GRIK4: variants seen among roughly 807,000 people sequenced by gnomAD.
GRIK4 encodes the protein glutamate ionotropic receptor kainate type subunit 4, also known as glutamate receptor ionotropic, kainate 4.
GRIK4 carries 40 observed loss-of-function variants against 104.9 expected under a neutral mutation model. That is an observed-to-expected ratio of 0.38 (90% CI 0.30 to 0.50). GRIK4 has a LOEUF of 0.50. GRIK4 is among the 20% of genes least tolerant of loss of function. GRIK4 has a pLI of 0.93. For synonymous variants in GRIK4, 485 were observed against 524.9 expected (o/e 0.92, Z 1.04); for missense variants, 1,047 against 1,308.1 (o/e 0.80, Z 3.08).
intron 2 of GRIK4, among the ~76,000 whole-genome samples, chr11:120,657,172 A>T (rs572907260): frequency 6.6e-6 from 1 of 152,240 alleles, no homozygotes; most frequent in South Asian, 2.1e-4. Context: ...GCCGTATAAT[A>T]TACCAGGCAC....
Position 120,612,536 on chromosome 11 carries a change from G to A in GRIK4, c.-158-41149G>A, listed in dbSNP as rs117677675. Among the ~76,000 whole-genome samples the A allele has an allele frequency of 4.4e-3, 673 of 152,156 alleles. 12 individuals are homozygous for A. In the East Asian group the frequency reaches 0.059, roughly 13 times the overall value. On this transcript the variant is annotated intron_variant, in intron 1 of 20. Transcript: ENST00000527524. ...AAAATCTTATTAGCCTTGTTAAGGG[G>A]TGCCAACATTTGAAAGAATTGACTA...
chr11:120,533,393 G>T, intron 1 of GRIK4, among the ~76,000 whole-genome samples: 1 of 152,204 alleles, frequency 6.6e-6, no homozygotes, highest in East Asian at 1.9e-4. Flanking sequence ...CCTGCATACA[G>T]GTACTGCTAG....
At chr11:120,824,546 T>TTTTTTTTTTC (rs1325119280) in intron 6 of GRIK4, among the ~76,000 whole-genome samples, 20 of 149,344 alleles carry the variant, frequency 1.3e-4, no homozygotes, top group Admixed American at 2.0e-4. Flanking sequence ...TCTTTTTTTT[T>TTTTTTTTTTC]TCTTTTCTTT....
chr11:120,576,749 C>G (rs1948490171), intron 1 of GRIK4, among the ~76,000 whole-genome samples: 1 of 152,082 alleles, frequency 6.6e-6, no homozygotes, highest in Non-Finnish European at 1.5e-5. Flanking sequence ...CACGGTCATG[C>G]TAGGAGTTCT....
At chr11:120,734,783 T>A (rs1216327152) in intron 3 of GRIK4, among the ~76,000 whole-genome samples, 1 of 152,172 alleles carries the variant, frequency 6.6e-6, no homozygotes, top group Non-Finnish European at 1.5e-5. Context: ...CACTAATTCC[T>A]CCTTCTGGTT....
intron 3 of GRIK4, among the ~76,000 whole-genome samples, chr11:120,674,017 C>T (rs549131712): frequency 9.2e-4 from 140 of 152,308 alleles, no homozygotes; most frequent in Non-Finnish European, 1.5e-3. Context: ...CCATACAGAA[C>T]AGGCCTGGTG....
intron 1 of GRIK4, among the ~76,000 whole-genome samples, chr11:120,554,704 G>A (rs1012439895): frequency 2.8e-4 from 43 of 152,004 alleles, no homozygotes; most frequent in African/African-American, 6.8e-4. Flanking sequence ...GATTACAGAC[G>A]CCCGCCACCA....
intron 1 of GRIK4, among the ~76,000 whole-genome samples, chr11:120,564,210 A>C (rs1948277556): frequency 6.6e-6 from 1 of 152,236 alleles, no homozygotes; most frequent in Non-Finnish European, 1.5e-5. Flanking sequence ...CGCCCCGCTC[A>C]GACGGCACCA....
At chr11:120,815,787 TG>T (rs1308787213) in intron 5 of GRIK4, among the ~76,000 whole-genome samples, 1 of 152,074 alleles carries the variant, frequency 6.6e-6, no homozygotes, top group Admixed American at 6.5e-5. Flanking sequence ...GAGAGGCTGA[TG>T]GGCATGGCAG....
chr11:120,684,746 T>C (rs1950248945), intron 3 of GRIK4, among the ~76,000 whole-genome samples: 1 of 152,080 alleles, frequency 6.6e-6, no homozygotes, highest in African/African-American at 2.4e-5. Context: ...AGTCTCGCTC[T>C]GTCGCCCAGG....
intron 8 of GRIK4, among the ~76,000 whole-genome samples, chr11:120,845,043 A>G (rs1484330273): frequency 6.6e-6 from 1 of 152,062 alleles, no homozygotes; most frequent in Non-Finnish European, 1.5e-5. Flanking sequence ...CTGGCAGCTG[A>G]CTCATAGAGC....
rs1040464287 is a variant in GRIK4 at position 120,838,948 on chromosome 11, C to T, written c.744+2104C>T. Among the ~76,000 whole-genome samples the T allele has an allele frequency of 1.4e-3, 209 of 152,106 alleles. 2 individuals carry two copies. Among genetic ancestry groups the T allele is most frequent in the Non-Finnish European group, 4.6e-4 (31 of 67,968 alleles). On this transcript the variant is annotated intron_variant, in intron 8 of 20. Coordinates refer to ENST00000527524, the MANE Select transcript of GRIK4 (RefSeq NM_014619.5). ...ATTACAGGCACACGCCACCATGCCT[C>T]GCTAATTTTTGTATTTTTAGTAGAG...
rs111546129 is a variant in GRIK4, at chr11:120,889,724, C to T, written c.1165-8808C>T. On this transcript the variant is annotated intron_variant, in intron 11 of 20. Coordinates refer to ENST00000527524, the MANE Select transcript of GRIK4 (RefSeq NM_014619.5). ...GGTTCCAGTGATTCTCCTGCCTCAG[C>T]CTCCGGAGTAGTTATGATTACAGGC... Among the ~76,000 whole-genome samples the T allele has an allele frequency of 8.2e-3, 1,232 of 150,438 alleles. 17 individuals are homozygous for T. The highest frequency in any genetic ancestry group is 0.028 in the African/African-American group (1,163 of 41,022).
intron 3 of GRIK4, among the ~76,000 whole-genome samples, chr11:120,682,757 A>G (rs1353482118): frequency 1.3e-5 from 2 of 151,542 alleles, no homozygotes; most frequent in Non-Finnish European, 2.9e-5. Context: ...ACCCTTCCCC[A>G]TGCTCACACT....
chr11:120,717,105 T>C (rs1950847977), intron 3 of GRIK4, among the ~76,000 whole-genome samples: 1 of 151,944 alleles, frequency 6.6e-6, no homozygotes, highest in African/African-American at 2.4e-5. Flanking sequence ...AGCCAGGAGA[T>C]TTTTCCTGCC....
intron 1 of GRIK4, among the ~76,000 whole-genome samples, chr11:120,596,371 G>A (rs1948801544): frequency 6.6e-6 from 1 of 152,214 alleles, no homozygotes; most frequent in South Asian, 2.1e-4. Flanking sequence ...GCAACGTGAT[G>A]AGTGTGGGAA....
At chr11:120,820,082 C>CGT (rs35140379) in intron 6 of GRIK4, among the ~76,000 whole-genome samples, 162 bp downstream of exon 6, 8,224 of 144,720 alleles carry the variant, frequency 0.057, 351 homozygotes, top group African/African-American at 0.13. Context: ...CTCATGTGTC[C>CGT]GTGTGTGTGT....
chr11:120,960,641 C>T (rs1410070083), intron 16 of GRIK4, among the ~76,000 whole-genome samples: 27 of 152,234 alleles, frequency 1.8e-4, no homozygotes, highest in Non-Finnish European at 2.9e-5. Flanking sequence ...GCATGGACTA[C>T]ACCTCTTTTG....
chr11:120,954,448 A>G (rs1944086359), intron 15 of GRIK4, among the ~76,000 whole-genome samples: 1 of 151,198 alleles, frequency 6.6e-6, no homozygotes, highest in South Asian at 2.1e-4. Flanking sequence ...ACTTTGCCAC[A>G]CTGCTGCCAT....
Sources: allele counts gnomAD v4.1 joint callset (sites outside exome capture counted in the v4.1 genomes callset), GRCh38; gene constraint gnomAD v4.1.1; transcripts MANE v1.5; gene names NCBI Gene and HGNC (gene_info 2026-07-23, HGNC 2026-07-21).